Variants in ANKFN1 observed in about 807,000 individuals in gnomAD.
ANKFN1 encodes ankyrin repeat and fibronectin type-III domain-containing protein 1.
Under a neutral mutation model 108.7 loss-of-function variants are expected in ANKFN1, and 74 were observed. The ratio of observed to expected loss-of-function variants is 0.68; its 90% confidence interval spans 0.56 to 0.83. ANKFN1 has a LOEUF of 0.83. Ranked by LOEUF, ANKFN1 falls within the 40% of genes least tolerant of loss-of-function variation. The pLI is 0.00. For missense variants in ANKFN1, 1,505 were observed against 1,382.3 expected, an observed-to-expected ratio of 1.09 and a Z score of -1.41; for synonymous variants, 547 against 516.2, an observed-to-expected ratio of 1.06 and a Z score of -0.81.
At chr17:56,491,739 G>T (rs2051046280) in intron 18 of ANKFN1, among the ~76,000 whole-genome samples, 1 of 152,190 alleles carries the variant, frequency 6.6e-6, no homozygotes, top group Non-Finnish European at 1.5e-5. Flanking sequence ...TCTTCTGGGG[G>T]TTCTGGCCTT....
At chr17:56,105,895 G>A (rs1199036718) in intron 4 of ANKFN1, among the ~76,000 whole-genome samples, 1 of 152,016 alleles carries the variant, frequency 6.6e-6, no homozygotes, top group Non-Finnish European at 1.5e-5. Context: ...TAGTGGTGGT[G>A]TTACTGGGGA....
At chr17:56,177,688 G>A (rs1193270453) in intron 1 of ANKFN1, among the ~76,000 whole-genome samples, 5 of 152,188 alleles carry the variant, frequency 3.3e-5, no homozygotes, top group Admixed American at 2.0e-4. Flanking sequence ...GCTGAAGTAC[G>A]TGATGTCTGC....
chr17:56,208,160 C>T (rs1010538408), intron 1 of ANKFN1, among the ~76,000 whole-genome samples: 7 of 152,114 alleles, frequency 4.6e-5, no homozygotes, highest in Non-Finnish European at 1.0e-4. Context: ...CAGGCACATG[C>T]CGCCAAGCCT....
intron 8 of ANKFN1, among the ~76,000 whole-genome samples, chr17:56,376,583 A>G (rs909090308): frequency 3.3e-5 from 5 of 152,118 alleles, no homozygotes; most frequent in African/African-American, 4.8e-5. Flanking sequence ...CCACCTTGAC[A>G]TTTCCTTCTT....
intron 4 of ANKFN1, among the ~76,000 whole-genome samples, chr17:56,330,719 AC>A (rs2045640207): frequency 6.6e-6 from 1 of 152,142 alleles, no homozygotes; most frequent in Non-Finnish European, 1.5e-5. Context: ...TATGTGGGAT[AC>A]TATCTTACTT....
chr17:56,406,692 C>A (rs533462519), intron 8 of ANKFN1, among the ~76,000 whole-genome samples: 4 of 152,078 alleles, frequency 2.6e-5, no homozygotes, highest in Admixed American at 6.6e-5. Context: ...AATTTTATTG[C>A]TTTTGGCCAA....
rs573039388 is a variant in ANKFN1 at position 56,107,276 on chromosome 17, A to G, written c.288+60951A>G. On this transcript the variant is annotated intron_variant, in intron 4 of 12. Transcript: ENST00000635860. ...TTTCAAGGTGCCCAAGAACTTAGGA[A>G]GTAAATGGAGACCAGGAATTCTGCC... Among the ~76,000 whole-genome samples the G allele has an allele frequency of 3.9e-5, 6 of 152,272 alleles. No homozygotes were observed. In the East Asian group the frequency reaches 1.2e-3, roughly 29 times the overall value.
chr17:56,077,667 T>C (rs998857121), intron 4 of ANKFN1, among the ~76,000 whole-genome samples: 9 of 152,204 alleles, frequency 5.9e-5, no homozygotes, highest in Admixed American at 2.0e-4. Context: ...GACAAGTAAC[T>C]CAAGTGCTGA....
chr17:56,331,880 AG>A (rs1237451958), intron 4 of ANKFN1, among the ~76,000 whole-genome samples: 1 of 152,206 alleles, frequency 6.6e-6, no homozygotes, highest in Non-Finnish European at 1.5e-5. Flanking sequence ...AAGTGAGTCA[AG>A]GAAGAAAGGA....
intron 1 of ANKFN1, among the ~76,000 whole-genome samples, chr17:56,171,829 T>C (rs1441580260): frequency 6.6e-6 from 1 of 152,112 alleles, no homozygotes; most frequent in Non-Finnish European, 1.5e-5. Flanking sequence ...TACCCAGACA[T>C]ACCCTGAGGT....
At chr17:56,443,031 CA>C (rs1462856814) in intron 10 of ANKFN1, 98 bp downstream of exon 10, 62 of 1,190,560 alleles carry the variant, frequency 5.2e-5, no homozygotes, top group Non-Finnish European at 1.2e-6. Flanking sequence ...CCACTGCTTG[CA>C]ACCCATAAGA....
intron 6 of ANKFN1, among the ~76,000 whole-genome samples, chr17:56,358,626 A>G (rs2046434971): frequency 6.6e-6 from 1 of 152,200 alleles, no homozygotes; most frequent in Admixed American, 6.6e-5. Context: ...CCTTGCAGAA[A>G]AACAATCAGC....
rs1338077049 is a variant in ANKFN1 at position 56,512,107 on chromosome 17, G to A, written c.*838G>A. ...CTGAATTACAGATAAGACAGGGGAG[G>A]GAGAGAGACATGGGCAGAAATATAT... On this transcript the variant is annotated 3_prime_UTR_variant, in exon 21 of 21. Coordinates refer to ENST00000682825, the MANE Select transcript of ANKFN1 (RefSeq NM_001370326.1). 6.6e-6 allele frequency among the ~76,000 whole-genome samples: 1 copy of A among 152,198 alleles called. No homozygotes were observed. The highest frequency in any genetic ancestry group is 1.5e-5 in the Non-Finnish European group (1 of 68,042).
chr17:56,372,900 A>T, intron 7 of ANKFN1, 60 bp downstream of exon 7: 1 of 1,527,142 alleles, frequency 6.5e-7, no homozygotes, highest in Non-Finnish European at 8.8e-7. Context: ...TGAGACAGCC[A>T]GGTCTTCTTT....
chr17:56,123,171 A>G (rs551874306), intron 4 of ANKFN1, among the ~76,000 whole-genome samples: 93 of 152,344 alleles, frequency 6.1e-4, no homozygotes, highest in African/African-American at 2.2e-3. Context: ...GTGGCTAAAT[A>G]TGTGGTCAGA....
rs542274611 is a variant in ANKFN1, at chr17:56,311,406, C to A, written c.54-14815C>A. 4.6e-5 allele frequency among the ~76,000 whole-genome samples: 7 copies of A among 152,264 alleles called. 2 individuals are homozygous for A. The East Asian group carries it at 1.4e-3, about 29-fold the overall frequency. Reference sequence around the variant, plus strand: ...CAAGTACAGGTTGAGCATCCCTAATCCAAAAATCCAAAATCCAAAATGTAC... The same window carrying A: ...CAAGTACAGGTTGAGCATCCCTAATACAAAAATCCAAAATCCAAAATGTAC... On this transcript the variant is annotated intron_variant, in intron 3 of 20. Transcript: ENST00000682825.
chr17:56,506,737 T>G (rs116405740), intron 20 of ANKFN1, among the ~76,000 whole-genome samples: 1 of 151,862 alleles, frequency 6.6e-6, no homozygotes, highest in African/African-American at 2.4e-5. Flanking sequence ...AAAAGTGAAT[T>G]AGATGAACTA....
intron 3 of ANKFN1, among the ~76,000 whole-genome samples, chr17:56,259,600 A>G (rs1355370044): frequency 6.6e-6 from 1 of 152,122 alleles, no homozygotes; most frequent in African/African-American, 2.4e-5. Flanking sequence ...TATGAGATTC[A>G]GGAATGGGAA....
intron 11 of ANKFN1, among the ~76,000 whole-genome samples, chr17:56,454,053 A>C (rs75071151): frequency 0.018 from 2,766 of 152,246 alleles, 56 homozygotes; most frequent in East Asian, 0.093. Context: ...ACATTTTCTT[A>C]AATTACTTCT....
Sources: gnomAD v4.1 joint callset for allele counts (sites outside exome capture counted in the v4.1 genomes callset) on GRCh38, gnomAD v4.1.1 for gene constraint, MANE v1.5 for transcripts, NCBI Gene and HGNC (gene_info 2026-07-23, HGNC 2026-07-21) for gene names.